The following KIAA1217 variants were observed in gnomAD, a reference collection of about 807,000 sequenced individuals.
The protein encoded by KIAA1217 is sickle tail protein homolog.
KIAA1217 carries 88 observed loss-of-function variants against 163.9 expected under a neutral mutation model. That is an observed-to-expected ratio of 0.54 (90% CI 0.45 to 0.64). The LOEUF (loss-of-function observed/expected upper bound fraction) is 0.64. Among genes scored for constraint, KIAA1217 ranks in the 30% least tolerant of loss-of-function variants. The probability of loss-of-function intolerance (pLI) is 0.00; values close to 1 mark genes in which losing one functional copy is unlikely to be tolerated. For missense variants in KIAA1217, 2,372 were observed against 2,475.0 expected, an observed-to-expected ratio of 0.96 and a Z score of 0.88; for synonymous variants, 903 against 923.1, an observed-to-expected ratio of 0.98 and a Z score of 0.39.
At chr10:23,738,706 T>G (rs1335997580) in intron 1 of KIAA1217, among the ~76,000 whole-genome samples, 1 of 151,196 alleles carries the variant, frequency 6.6e-6, no homozygotes, top group Admixed American at 6.6e-5. Context: ...TTCTTTGCTT[T>G]TCTTGGGCAG....
intron 1 of KIAA1217, among the ~76,000 whole-genome samples, chr10:23,934,579 A>ATGTGTG (rs1437127714): frequency 1.5e-4 from 9 of 59,780 alleles, no homozygotes; most frequent in African/African-American, 1.3e-3. Context: ...ATATATATAT[A>ATGTGTG]TATATATATA....
rs553272232 is a variant in KIAA1217 at position 24,041,916 on chromosome 10, G to T, written c.-171+34542G>T. The stretch of plus-strand genomic sequence containing the variant: ...TTTTTCCCCTTCTAGGCTGTCTGGT[G>T]TGTAGTCTGTGCATGCAAGGGAGTA... On this transcript the variant is annotated intron_variant, in intron 2 of 18. Transcript: ENST00000376462. Among the ~76,000 whole-genome samples, 7 of 152,018 alleles carry T rather than the reference G, an allele frequency of 4.6e-5. No homozygotes were observed. In the South Asian group the frequency reaches 6.2e-4, roughly 14 times the overall value.
intron 2 of KIAA1217, among the ~76,000 whole-genome samples, chr10:24,058,578 C>CT (rs1450677230): frequency 6.6e-6 from 1 of 151,962 alleles, no homozygotes; most frequent in Non-Finnish European, 1.5e-5. Flanking sequence ...TCATTAATGT[C>CT]TTTAATTTTC....
rs114884367 is a variant in KIAA1217 at position 24,399,296 on chromosome 10, A to C, written c.553+18229A>C. On this transcript the variant is annotated intron_variant, in intron 3 of 20. Coordinates refer to ENST00000376454, the MANE Select transcript of KIAA1217 (RefSeq NM_019590.5). ...AATTTCATTTAGAAATATTTACATC[A>C]TAATGGTTAAAATTAAGACATTTCT... Among the ~76,000 whole-genome samples, 1,246 of 152,328 alleles carry C rather than the reference A, an allele frequency of 8.2e-3. 18 individuals carry two copies. The highest frequency in any genetic ancestry group is 0.028 in the African/African-American group (1,159 of 41,582).
intron 1 of KIAA1217, among the ~76,000 whole-genome samples, chr10:23,893,240 A>T (rs953128723): frequency 3.3e-5 from 5 of 152,012 alleles, no homozygotes; most frequent in African/African-American, 1.2e-4. Flanking sequence ...GTGTCGAGGA[A>T]TTTATCCATT....
At chr10:24,065,615 T>C (rs2060909528) in intron 2 of KIAA1217, among the ~76,000 whole-genome samples, 1 of 152,190 alleles carries the variant, frequency 6.6e-6, no homozygotes, top group African/African-American at 2.4e-5. Context: ...GAATGTATAT[T>C]CTGTTGATGT....
chr10:24,512,307 T>C (rs983598030), intron 9 of KIAA1217, among the ~76,000 whole-genome samples: 2 of 152,144 alleles, frequency 1.3e-5, no homozygotes, highest in East Asian at 1.9e-4. Context: ...CCATTGAAAT[T>C]TGTTAAATGA....
intron 1 of KIAA1217, among the ~76,000 whole-genome samples, chr10:23,712,840 G>A (rs532722782): frequency 1.3e-3 from 198 of 152,144 alleles, no homozygotes; most frequent in African/African-American, 4.6e-3. Flanking sequence ...TTACTATGCC[G>A]TGTTTCTTAT....
intron 1 of KIAA1217, among the ~76,000 whole-genome samples, chr10:24,210,711 C>T (rs558387567): frequency 2.6e-5 from 4 of 152,222 alleles, no homozygotes; most frequent in Admixed American, 6.5e-5. Context: ...GTTATGTAGA[C>T]GTCACTGTTT....
At chr10:24,040,793 T>C (rs1282821195) in intron 2 of KIAA1217, among the ~76,000 whole-genome samples, 1 of 152,210 alleles carries the variant, frequency 6.6e-6, no homozygotes, top group Non-Finnish European at 1.5e-5. Context: ...CTAGACCTGT[T>C]AGGAATCATT....
intron 2 of KIAA1217, among the ~76,000 whole-genome samples, chr10:24,290,876 A>G (rs1564414321): frequency 6.6e-6 from 1 of 152,142 alleles, no homozygotes; most frequent in Non-Finnish European, 1.5e-5. Flanking sequence ...TGCTGGGATT[A>G]CAGGCATGAT....
chr10:24,406,358 G>GC (rs1048085264), intron 3 of KIAA1217, among the ~76,000 whole-genome samples: 3 of 150,466 alleles, frequency 2.0e-5, no homozygotes, highest in Non-Finnish European at 4.4e-5. Context: ...CTAAAATGTT[G>GC]AATTCTAAAT....
chr10:23,988,020 A>G (rs915117703), intron 1 of KIAA1217, among the ~76,000 whole-genome samples: 4 of 151,766 alleles, frequency 2.6e-5, no homozygotes, highest in African/African-American at 9.7e-5. Flanking sequence ...AACTGTGAAT[A>G]TTTAAAAGTG....
chr10:24,227,594 G>C (rs946440051), intron 2 of KIAA1217, among the ~76,000 whole-genome samples: 4 of 150,684 alleles, frequency 2.7e-5, no homozygotes, highest in African/African-American at 9.8e-5. Flanking sequence ...GTGCAGTGGC[G>C]CAATCTTGGC....
intron 1 of KIAA1217, among the ~76,000 whole-genome samples, chr10:23,870,971 A>G (rs1006230424): frequency 2.0e-5 from 3 of 152,102 alleles, no homozygotes; most frequent in African/African-American, 7.2e-5. Flanking sequence ...TAGGCAGTGA[A>G]AGAGCTGGAA....
At chr10:23,696,915 C>T (rs1158170747) in intron 1 of KIAA1217, among the ~76,000 whole-genome samples, 2 of 152,020 alleles carry the variant, frequency 1.3e-5, no homozygotes, top group East Asian at 1.9e-4. Context: ...TAAAAGTAAC[C>T]TAACGAAAAC....
At chr10:24,017,369 A>G (rs1023836587) in intron 2 of KIAA1217, among the ~76,000 whole-genome samples, 3 of 152,142 alleles carry the variant, frequency 2.0e-5, no homozygotes, top group Admixed American at 1.3e-4. Flanking sequence ...CAGAAATCAT[A>G]TTTTTGATGC....
chr10:23,726,451 T>C (rs1357424939), intron 1 of KIAA1217, among the ~76,000 whole-genome samples: 1 of 152,060 alleles, frequency 6.6e-6, no homozygotes, highest in Non-Finnish European at 1.5e-5. Flanking sequence ...ATAGAAACCC[T>C]AGAAGAAAAC....
chr10:24,539,803 C>T (rs1054880907), intron 17 of KIAA1217, among the ~76,000 whole-genome samples: 5 of 152,174 alleles, frequency 3.3e-5, no homozygotes, highest in East Asian at 1.9e-4. Context: ...TTCCATAAAT[C>T]GGATGTTTTC....
Sources: gnomAD v4.1 joint callset for allele counts (sites outside exome capture counted in the v4.1 genomes callset) on GRCh38, gnomAD v4.1.1 for gene constraint, MANE v1.5 for transcripts, NCBI Gene and HGNC (gene_info 2026-07-23, HGNC 2026-07-21) for gene names.